Variants in KIF26B observed in about 807,000 individuals in gnomAD.
KIF26B encodes kinesin family member 26B.
KIF26B carries 63 observed loss-of-function variants against 151.2 expected under a neutral mutation model. The ratio of observed to expected loss-of-function variants is 0.42; its 90% CI spans 0.34 to 0.51. The LOEUF is 0.51. Ranked by LOEUF, KIF26B falls within the 20% of genes least tolerant of loss-of-function variation. The probability of loss-of-function intolerance (pLI) is 0.07; values close to 1 mark genes in which losing one functional copy is unlikely to be tolerated. For missense variants in KIF26B, 2,813 were observed against 2,913.6 expected, an observed-to-expected ratio of 0.97 and a Z score of 0.79; for synonymous variants, 1,357 against 1,262.1, an observed-to-expected ratio of 1.08 and a Z score of -1.59.
intron 4 of KIF26B, among the ~76,000 whole-genome samples, chr1:245,420,821 A>G (rs1408034541): frequency 2.0e-5 from 3 of 152,232 alleles, no homozygotes; most frequent in African/African-American, 7.2e-5. Context: ...TGTTATCTTT[A>G]TGAATGGTAA....
At chr1:245,263,740 A>G (rs1312234996) in intron 2 of KIF26B, among the ~76,000 whole-genome samples, 1 of 152,246 alleles carries the variant, frequency 6.6e-6, no homozygotes, top group African/African-American at 2.4e-5. Context: ...TTCTTCTCCT[A>G]GAGTCTAGCA....
chr1:245,389,159 G>A (rs1019666514), intron 3 of KIF26B, among the ~76,000 whole-genome samples: 3 of 152,220 alleles, frequency 2.0e-5, no homozygotes, highest in South Asian at 2.1e-4. Context: ...TGTCACCTGG[G>A]CTGGAGTGCG....
intron 4 of KIF26B, among the ~76,000 whole-genome samples, chr1:245,435,163 CCATCCAT>C: frequency 6.6e-6 from 1 of 152,040 alleles, no homozygotes; most frequent in Non-Finnish European, 1.5e-5. Context: ...ATCCATCCAT[CCATCCAT>C]CCACCCACCC....
chr1:245,254,738 G>T (rs573569134), intron 2 of KIF26B, among the ~76,000 whole-genome samples: 1 of 152,106 alleles, frequency 6.6e-6, no homozygotes, highest in Non-Finnish European at 1.5e-5. Context: ...CATGAGGCCC[G>T]TGTCCTTTGC....
At chr1:245,439,410 G>A (rs1253725691) in intron 4 of KIF26B, among the ~76,000 whole-genome samples, 1 of 151,646 alleles carries the variant, frequency 6.6e-6, no homozygotes, top group Non-Finnish European at 1.5e-5. Flanking sequence ...TAGAGAAAAT[G>A]TTTTGAGATG....
chr1:245,334,533 GA>G (rs1347470288), intron 2 of KIF26B, among the ~76,000 whole-genome samples: 3 of 152,210 alleles, frequency 2.0e-5, no homozygotes, highest in African/African-American at 7.2e-5. Flanking sequence ...GGATGCACAG[GA>G]AGGTTGCAAA....
intron 9 of KIF26B, chr1:245,614,817 C>T (rs147515558): frequency 3.7e-4 from 57 of 152,336 alleles, no homozygotes; most frequent in African/African-American, 1.2e-3. Context: ...CCATGTAGAG[C>T]GCTTCCGTTT....
chr1:245,370,771 T>G, intron 3 of KIF26B: 1 of 382,352 alleles, frequency 2.6e-6, no homozygotes, highest in South Asian at 1.9e-5. Flanking sequence ...TATTTGTGCG[T>G]TTCTTTTATT....
At chr1:245,307,674 A>G (rs138394033) in intron 2 of KIF26B, among the ~76,000 whole-genome samples, 118 of 151,756 alleles carry the variant, frequency 7.8e-4, no homozygotes, top group African/African-American at 2.9e-3. Flanking sequence ...TTTCCTTCCC[A>G]AATCTCATTG....
intron 4 of KIF26B, among the ~76,000 whole-genome samples, chr1:245,518,963 T>C (rs776292589): frequency 3.3e-5 from 5 of 152,200 alleles, no homozygotes; most frequent in South Asian, 2.1e-4. Flanking sequence ...CCAGTGTTCA[T>C]AAAGCCCTTG....
intron 5 of KIF26B, among the ~76,000 whole-genome samples, chr1:245,595,511 C>T (rs1042390597): frequency 1.3e-5 from 2 of 152,104 alleles, no homozygotes; most frequent in East Asian, 1.9e-4. Context: ...AAGATGAAGC[C>T]GACCTGATCG....
chr1:245,191,055 G>A (rs1669099270), intron 2 of KIF26B, among the ~76,000 whole-genome samples: 1 of 58,430 alleles, frequency 1.7e-5, no homozygotes, highest in Non-Finnish European at 2.8e-5. Flanking sequence ...GCAAGACTCT[G>A]TCTCAAAAAA....
intron 2 of KIF26B, among the ~76,000 whole-genome samples, chr1:245,159,278 T>C (rs1668497052): frequency 6.6e-6 from 1 of 152,250 alleles, no homozygotes; most frequent in South Asian, 2.1e-4. Flanking sequence ...CTAGGTGGTA[T>C]TAAATGTCTC....
chr1:245,443,668 AGGTCATCTCCCTCACTGTTCACCCTGC>A (rs1659174642), intron 4 of KIF26B, among the ~76,000 whole-genome samples: 1 of 82,150 alleles, frequency 1.2e-5, no homozygotes, highest in Admixed American at 1.5e-4. Flanking sequence ...CCTAGAGGAG[AGGTCATCTCCCTCACTGTTCACCCTGC>A]GGTCATCTCC....
At chr1:245,666,041 G>A (rs541666849) in intron 10 of KIF26B, among the ~76,000 whole-genome samples, 22 of 129,070 alleles carry the variant, frequency 1.7e-4, no homozygotes, top group African/African-American at 4.2e-4. Context: ...TCTCTCTGTC[G>A]CCCAGGCTGG....
Position 245,540,890 on chromosome 1 carries a change from A to G in KIF26B, c.1290A>G (p.Pro430=), listed in dbSNP as rs1392994144. ...FSGILQTSPP[P]APPCLLRAVN... Reference sequence around the variant, plus strand: ...GGATTCTGCAGACCTCCCCTCCCCCAGCCCCACCCTGCCTGCTGAGGGCTG... The same window carrying G: ...GGATTCTGCAGACCTCCCCTCCCCCGGCCCCACCCTGCCTGCTGAGGGCTG... The change falls in exon 5 of 15, where the codon CCA becomes CCG. Residue 430 remains proline, a synonymous_variant. Transcript: ENST00000407071. The surrounding 1 kb of genome is among the most constrained non-coding windows in gnomAD (Gnocchi z 4.6). 6.2e-7 allele frequency: 1 copy of G among 1,613,880 alleles called. No individual in the cohort carries two copies. The highest frequency in any genetic ancestry group is 1.7e-5 in the Admixed American group (1 of 60,018).
At chr1:245,435,916 G>A (rs181405979) in intron 4 of KIF26B, among the ~76,000 whole-genome samples, 12 of 152,308 alleles carry the variant, frequency 7.9e-5, no homozygotes, top group Non-Finnish European at 1.6e-4. Flanking sequence ...AGTGGCTCAC[G>A]CCTGTAAATC....
At chr1:245,500,653 A>G (rs1660602052) in intron 4 of KIF26B, among the ~76,000 whole-genome samples, 1 of 152,248 alleles carries the variant, frequency 6.6e-6, no homozygotes, top group African/African-American at 2.4e-5. Context: ...AGAACATCCA[A>G]GGCCAGGCAG....
At chr1:245,420,798 G>T (rs185902912) in intron 4 of KIF26B, among the ~76,000 whole-genome samples, 4 of 152,334 alleles carry the variant, frequency 2.6e-5, no homozygotes, top group Admixed American at 2.0e-4. Flanking sequence ...AAGGAATATT[G>T]TGTGGCTTTG....
Sources: allele counts gnomAD v4.1 joint callset (sites outside exome capture counted in the v4.1 genomes callset), GRCh38; gene constraint gnomAD v4.1.1; non-coding constraint Gnocchi (gnomAD v3.1); transcripts MANE v1.5; gene names NCBI Gene and HGNC (gene_info 2026-07-23, HGNC 2026-07-21).